CLSTN2: variants seen among roughly 807,000 people sequenced by gnomAD.
CLSTN2 encodes the protein calsyntenin-2.
CLSTN2 carries 48 observed loss-of-function variants against 101.2 expected under a neutral mutation model. The observed-to-expected ratio is 0.47, with a 90% CI of 0.38 to 0.60. The LOEUF (loss-of-function observed/expected upper bound fraction) is 0.60, where lower values mean the gene tolerates loss of function less well. CLSTN2 is among the 20% of genes least tolerant of loss of function. The pLI is 0.00. For synonymous variants in CLSTN2, 481 were observed against 463.6 expected (o/e 1.04, Z -0.48); for missense variants, 1,160 against 1,238.2 (o/e 0.94, Z 0.95).
chr3:140,375,631 A>C (rs1226879689), intron 2 of CLSTN2, among the ~76,000 whole-genome samples: 1 of 151,832 alleles, frequency 6.6e-6, no homozygotes, highest in Non-Finnish European at 1.5e-5. Context: ...GCTCTCTTTT[A>C]TCTCACTTTT....
chr3:140,362,635 A>G (rs368173594), intron 2 of CLSTN2, among the ~76,000 whole-genome samples: 1 of 152,280 alleles, frequency 6.6e-6, no homozygotes, highest in African/African-American at 2.4e-5. Flanking sequence ...AATCAACCCA[A>G]TTTTTAAAAT....
At chr3:140,253,524 G>A (rs1054351574) in intron 2 of CLSTN2, among the ~76,000 whole-genome samples, 2 of 152,186 alleles carry the variant, frequency 1.3e-5, no homozygotes, top group African/African-American at 4.8e-5. Flanking sequence ...AAACAGCACA[G>A]TGCAGGCAGG....
intron 1 of CLSTN2, among the ~76,000 whole-genome samples, chr3:140,053,969 C>T (rs2008050483): frequency 6.6e-6 from 1 of 152,174 alleles, no homozygotes; most frequent in Non-Finnish European, 1.5e-5. Flanking sequence ...CTGAGTTAGA[C>T]TCGGGCCCAA....
intron 1 of CLSTN2, among the ~76,000 whole-genome samples, chr3:139,961,709 A>G (rs1405664708): frequency 1.3e-5 from 2 of 152,188 alleles, no homozygotes; most frequent in East Asian, 3.8e-4. Context: ...GGATTTTCTT[A>G]AATATTGTTT....
Position 139,935,341 on chromosome 3 carries a change from C to A in CLSTN2, c.-34C>A. On this transcript the variant is annotated 5_prime_UTR_variant, in exon 1 of 17. Transcript: ENST00000458420. The surrounding 1 kb of genome is among the most constrained non-coding windows in gnomAD (Gnocchi z 5.5). ...GGCGAGAGCCGGCGCGGACAGTAGG[C>A]GGCGGCTGCAGCTCGTTGGCGGCTG... 1 of 1,142,150 alleles carries A rather than the reference C, an allele frequency of 8.8e-7. No homozygotes were observed. The highest frequency in any genetic ancestry group is 1.1e-6 in the Non-Finnish European group (1 of 908,194). The allele number at this position is 1,142,150 out of a possible 1,614,324, so 70.8% of individuals were successfully genotyped here. A position where few individuals can be genotyped will look rare whatever the true frequency, so the allele number is the denominator to read the frequency against.
At chr3:140,561,700 G>A (rs2107793841) in intron 12 of CLSTN2, among the ~76,000 whole-genome samples, 1 of 152,274 alleles carries the variant, frequency 6.6e-6, no homozygotes, top group South Asian at 2.1e-4. Flanking sequence ...CATGGAGAAA[G>A]CTATGAGAGC....
At chr3:140,330,684 G>A (rs1226684084) in intron 2 of CLSTN2, among the ~76,000 whole-genome samples, 1 of 152,222 alleles carries the variant, frequency 6.6e-6, no homozygotes, top group Non-Finnish European at 1.5e-5. Flanking sequence ...TCTGGAAGGA[G>A]AAGTGAACTT....
chr3:140,316,369 A>G (rs758101361), intron 2 of CLSTN2, among the ~76,000 whole-genome samples: 2 of 152,164 alleles, frequency 1.3e-5, no homozygotes, highest in African/African-American at 2.4e-5. Flanking sequence ...GATGTATCTC[A>G]TAGAATCGTG....
At chr3:140,182,544 G>A (rs1212000322) in intron 2 of CLSTN2, among the ~76,000 whole-genome samples, 1 of 152,192 alleles carries the variant, frequency 6.6e-6, no homozygotes. Context: ...CACAGTAGAT[G>A]TGCCTTTGCA....
chr3:140,289,834 A>C (rs2086932225), intron 2 of CLSTN2, among the ~76,000 whole-genome samples: 2 of 152,080 alleles, frequency 1.3e-5, no homozygotes, highest in South Asian at 4.1e-4. Context: ...CCTAAATATC[A>C]GACAAGGTTT....
At chr3:140,562,061 A>C (rs1935926181) in intron 12 of CLSTN2, 77 bp from the exon 13 acceptor site, 1 of 1,343,056 alleles carries the variant, frequency 7.4e-7, no homozygotes, top group African/African-American at 1.4e-5. Context: ...GCAATAACAG[A>C]GGAGGAAGGT....
chr3:140,461,530 G>T (rs1260076318), intron 7 of CLSTN2, among the ~76,000 whole-genome samples: 1 of 152,162 alleles, frequency 6.6e-6, no homozygotes, highest in African/African-American at 2.4e-5. Context: ...AATATGGAAG[G>T]CTGAGTGATT....
In CLSTN2 at chr3:140,448,261, G is replaced by A. The variant is rs192629525; in HGVS notation, c.788-258G>A. 1.1e-4 allele frequency among the ~76,000 whole-genome samples: 16 copies of A among 151,816 alleles called. No individual in the cohort carries two copies. The South Asian group carries it at 2.3e-3, about 22-fold the overall frequency. ...TGTGTGTGCTCATGTGAGTATGCAC[G>A]TGCCTGCACATGTTTTGTGTATTCC... On this transcript the variant is annotated intron_variant, in intron 5 of 16. Coordinates refer to ENST00000458420, the MANE Select transcript of CLSTN2 (RefSeq NM_022131.3).
intron 10 of CLSTN2, among the ~76,000 whole-genome samples, chr3:140,550,255 G>T (rs1306321031): frequency 1.3e-5 from 2 of 151,526 alleles, no homozygotes; most frequent in Non-Finnish European, 2.9e-5. Flanking sequence ...AAGGGATCAT[G>T]ATCTCAGCAT....
intron 2 of CLSTN2, among the ~76,000 whole-genome samples, chr3:140,249,492 C>G (rs1338116383): frequency 6.6e-6 from 1 of 152,178 alleles, no homozygotes; most frequent in Admixed American, 6.5e-5. Flanking sequence ...TCTGGTCTAA[C>G]TAGCAGATGT....
chr3:140,420,003 G>A (rs1297043625), intron 4 of CLSTN2, among the ~76,000 whole-genome samples: 12 of 148,050 alleles, frequency 8.1e-5, no homozygotes, highest in East Asian at 2.0e-4. Context: ...AACAATTCTC[G>A]TGCCTCAGCC....
intron 1 of CLSTN2, among the ~76,000 whole-genome samples, chr3:139,979,167 G>A (rs1452952589): frequency 6.6e-6 from 1 of 152,090 alleles, no homozygotes; most frequent in African/African-American, 2.4e-5. Flanking sequence ...TGCAATACGT[G>A]ACCAGGATTC....
At chr3:140,469,660 T>C (rs1368963270) in intron 8 of CLSTN2, among the ~76,000 whole-genome samples, 4 of 152,236 alleles carry the variant, frequency 2.6e-5, no homozygotes, top group Non-Finnish European at 5.9e-5. Flanking sequence ...CTGCTCACTT[T>C]GCACTGAACT....
Position 139,975,740 on chromosome 3 carries a change from G to A in CLSTN2, c.109+40257G>A, listed in dbSNP as rs528369035. On this transcript the variant is annotated intron_variant, in intron 1 of 16. Coordinates refer to ENST00000458420, the MANE Select transcript of CLSTN2 (RefSeq NM_022131.3). ...ACATAGTGGGACGCAGGGGGTGCTTGTCCAGTGAATGAGTGAATGGACAAT... is the reference window on the plus strand; with the variant it reads ...ACATAGTGGGACGCAGGGGGTGCTTATCCAGTGAATGAGTGAATGGACAAT... Among the ~76,000 whole-genome samples the A allele has an allele frequency of 9.2e-5, 14 of 152,280 alleles. No homozygotes were observed. In the East Asian group the frequency reaches 2.7e-3, roughly 29 times the overall value.
Sources: gnomAD v4.1 joint callset for allele counts (sites outside exome capture counted in the v4.1 genomes callset) on GRCh38, gnomAD v4.1.1 for gene constraint, Gnocchi (gnomAD v3.1) non-coding constraint, MANE v1.5 for transcripts, NCBI Gene and HGNC (gene_info 2026-07-23, HGNC 2026-07-21) for gene names.